ZNF12: variants seen among roughly 807,000 people sequenced by gnomAD.
ZNF12 encodes the protein gonadotropin inducible transcription repressor 3.
ZNF12 carries 34 observed loss-of-function variants against 66.6 expected under a neutral mutation model. The observed-to-expected ratio is 0.51, with a 90% CI of 0.39 to 0.68. The LOEUF (loss-of-function observed/expected upper bound fraction) is 0.68. ZNF12 is among the 30% of genes least tolerant of loss of function. ZNF12 has a pLI of 0.00. For missense variants in ZNF12, 697 were observed against 826.9 expected (o/e 0.84, Z 1.93); for synonymous variants, 320 against 278.9 (o/e 1.15, Z -1.47).
In ZNF12 at chr7:6,705,359, G is replaced by T; in HGVS notation, c.-50-136C>A. On this transcript the variant is annotated intron_variant, in intron 1 of 4. Transcript: ENST00000405858. The surrounding 1 kb of genome is among the most constrained non-coding windows in gnomAD (Gnocchi z 4.0). ...GACTGTCCCTTTAAGCCTTCAGAAG[G>T]GATTGGAAAATGATCAGGAGGGGGA... is the stretch of plus-strand genomic sequence containing the variant. 1.6e-6 allele frequency: 1 copy of T among 613,312 alleles called. No homozygotes were observed. The highest frequency in any genetic ancestry group is 2.8e-6 in the Non-Finnish European group (1 of 353,848). 38.0% of individuals were successfully genotyped at this position (613,312 alleles called of 1,614,324 possible). A position where few individuals can be genotyped will look rare whatever the true frequency, so the allele number is the denominator to read the frequency against.
chr7:6,703,061 CA>C (rs1189880786), intron 2 of ZNF12, among the ~76,000 whole-genome samples: 21 of 152,076 alleles, frequency 1.4e-4, no homozygotes, highest in African/African-American at 4.1e-4. Flanking sequence ...CACACACACA[CA>C]CACCCCTACC....
At position 6,698,443 on chromosome 7, in the gene ZNF12, T is replaced by C. The variant is rs1310416491; in HGVS notation, c.16-632A>G. Among the ~76,000 whole-genome samples, 1 of 152,190 alleles carries C rather than the reference T, an allele frequency of 6.6e-6. No homozygotes were observed. The highest frequency in any genetic ancestry group is 1.5e-5 in the Non-Finnish European group (1 of 68,032). On this transcript the variant is annotated intron_variant, in intron 2 of 4. Coordinates refer to ENST00000405858, the MANE Select transcript of ZNF12 (RefSeq NM_016265.4). This position sits in a 1 kb window ranked among gnomAD's most constrained non-coding sequence, Gnocchi z 4.4. ...AAATTCCAGACACATATGTCCCAGA[T>C]GGCAAACTCAACATCCCTGAAATTC...
rs377721424 is a variant in ZNF12 at position 6,691,668 on chromosome 7, G to A, written c.1274C>T (p.Thr425Met). The change falls in exon 5 of 5, where the codon ACG becomes ATG. Residue 425 changes from threonine to methionine, a missense_variant. Physicochemically the swap from Thr to Met is moderately conservative, Grantham distance 81 (BLOSUM62 -1). Transcript: ENST00000405858. ...GKCFCRKSTL[T>M]THLRTHTGEK... ...TCCTGTGTGGGTCCTCAGGTGGGTCGTGAGAGTAGACTTGCGGCAGAAGCA... is the reference window on the plus strand; with the variant it reads ...TCCTGTGTGGGTCCTCAGGTGGGTCATGAGAGTAGACTTGCGGCAGAAGCA... 36 of 1,613,196 alleles carry A rather than the reference G, an allele frequency of 2.2e-5. No individual in the cohort carries two copies. The highest frequency in any genetic ancestry group is 1.8e-4 in the East Asian group (8 of 44,784).
intron 2 of ZNF12, among the ~76,000 whole-genome samples, chr7:6,703,111 G>A (rs535414510): frequency 6.6e-6 from 1 of 151,688 alleles, no homozygotes. Context: ...TACCAACACA[G>A]CCCAAATTTT....
At position 6,692,865 on chromosome 7, in the gene ZNF12, G is replaced by A. The variant is rs537222691; in HGVS notation, c.239-162C>T. Among the ~76,000 whole-genome samples, 6 of 151,342 alleles carry A rather than the reference G, an allele frequency of 4.0e-5. No individual in the cohort carries two copies. The South Asian group carries it at 1.0e-3, about 26-fold the overall frequency. On this transcript the variant is annotated intron_variant, in intron 4 of 4. Coordinates refer to ENST00000405858, the MANE Select transcript of ZNF12 (RefSeq NM_016265.4). The surrounding 1 kb of genome is among the most constrained non-coding windows in gnomAD (Gnocchi z 5.1). ...GTGTACTCTTCTCCTTTATGCTTTT[G>A]CTTAAAATTACACACACACAAACAC...
chr7:6,693,821 T>C (rs1780112474), intron 4 of ZNF12, among the ~76,000 whole-genome samples: 1 of 152,216 alleles, frequency 6.6e-6, no homozygotes, highest in Non-Finnish European at 1.5e-5. Flanking sequence ...CACTTAATTC[T>C]CAGTGTGAGT....
At chr7:6,701,777 G>A (rs1780246957) in intron 2 of ZNF12, among the ~76,000 whole-genome samples, 1 of 151,814 alleles carries the variant, frequency 6.6e-6, no homozygotes, top group Non-Finnish European at 1.5e-5. Flanking sequence ...TGGCTGACTC[G>A]AGGCCCCACA....
chr7:6,701,150 C>A (rs1298554639), intron 2 of ZNF12, among the ~76,000 whole-genome samples: 1 of 151,946 alleles, frequency 6.6e-6, no homozygotes, highest in Non-Finnish European at 1.5e-5. Context: ...GCTGAGGATG[C>A]ATTTAAAATC....
chr7:6,697,461 T>G lies in ZNF12; in HGVS notation c.143-27A>C. On this transcript the variant is annotated intron_variant, in intron 3 of 4. Coordinates refer to ENST00000405858, the MANE Select transcript of ZNF12 (RefSeq NM_016265.4). The surrounding 1 kb of genome is among the most constrained non-coding windows in gnomAD (Gnocchi z 6.1). ...TGTTAATGAGAAATGAAAGAGAACTTGAGCCCAGGCCGGTTGGCTTCAGGG... is the reference window on the plus strand; with the variant it reads ...TGTTAATGAGAAATGAAAGAGAACTGGAGCCCAGGCCGGTTGGCTTCAGGG... The G allele has an allele frequency of 1.2e-6, 2 of 1,600,446 alleles. No individual in the cohort carries two copies. Among genetic ancestry groups the G allele is most frequent in the Non-Finnish European group, 1.7e-6 (2 of 1,172,028 alleles).
rs928156559 is a variant in ZNF12 at position 6,698,762 on chromosome 7, G to A, written c.16-951C>T. Among the ~76,000 whole-genome samples, 5 of 152,314 alleles carry A rather than the reference G, an allele frequency of 3.3e-5. No homozygotes were observed. Among genetic ancestry groups the A allele is most frequent in the Admixed American group, 3.3e-4 (5 of 15,298 alleles). On this transcript the variant is annotated intron_variant, in intron 2 of 4. Transcript: ENST00000405858. The surrounding 1 kb of genome is among the most constrained non-coding windows in gnomAD (Gnocchi z 4.4). ...CATTCCTGAGGAGGAACAGACAGCT[G>A]ACCTGGAAACTGTCAAAACCACATC...
chr7:6,695,255 G>A (rs1309843959), intron 4 of ZNF12, among the ~76,000 whole-genome samples: 1 of 152,234 alleles, frequency 6.6e-6, no homozygotes, highest in Non-Finnish European at 1.5e-5. Flanking sequence ...TCCTAGGAAG[G>A]ATGGTCCTAT....
intron 2 of ZNF12, among the ~76,000 whole-genome samples, chr7:6,703,485 T>C (rs1168615531): frequency 6.6e-6 from 1 of 152,194 alleles, no homozygotes; most frequent in Non-Finnish European, 1.5e-5. Flanking sequence ...TGGACAACTT[T>C]AGAAAGAATC....
At chr7:6,700,336 C>CACACACACACACACACACAT (rs59783256) in intron 2 of ZNF12, among the ~76,000 whole-genome samples, 3 of 143,074 alleles carry the variant, frequency 2.1e-5, no homozygotes, top group East Asian at 4.0e-4. Context: ...CACACACACA[C>CACACACACACACACACACAT]ATATATATAC....
Position 6,691,059 on chromosome 7 carries a change from G to A in ZNF12, c.1883C>T (p.Ser628Leu), listed in dbSNP as rs1443810532. ...SYLTIHHRIH[S>L]GEKPFECNEC... ...ATTACATTCAAAGGGTTTCTCTCCT[G>A]AATGAATTCGATGATGTATAGTGAG... The change falls in exon 5 of 5, where the codon TCA becomes TTA. Residue 628 changes from serine (S) to leucine (L), a missense_variant. Ser to Leu is a moderately radical substitution (Grantham distance 145). Around this residue, in one of 3 missense-constraint regions of ZNF12, gnomAD observed 401 missense variants for 519.0 expected, o/e 0.77. Transcript: ENST00000405858. The A allele has an allele frequency of 6.2e-7, 1 of 1,613,904 alleles. No homozygotes were observed. The highest frequency in any genetic ancestry group is 1.3e-5 in the African/African-American group (1 of 74,874).
At chr7:6,700,638 G>T (rs1238697647) in intron 2 of ZNF12, among the ~76,000 whole-genome samples, 2 of 152,114 alleles carry the variant, frequency 1.3e-5, no homozygotes, top group African/African-American at 4.8e-5. Flanking sequence ...CTTTTCAACA[G>T]ATGACACACT....
In ZNF12 at chr7:6,706,945, A is replaced by C. The variant is rs748941740; in HGVS notation, c.-564T>G. On this transcript the variant is annotated 5_prime_UTR_variant, in exon 1 of 5. Coordinates refer to ENST00000405858, the MANE Select transcript of ZNF12 (RefSeq NM_016265.4). ...CTGGGGACGCACAGGAAGCGAGGGCACTGCGGCCGCGGCGCGCATGCGCGA... is the reference window on the plus strand; with the variant it reads ...CTGGGGACGCACAGGAAGCGAGGGCCCTGCGGCCGCGGCGCGCATGCGCGA... 2.5e-6 allele frequency: 1 copy of C among 401,884 alleles called. No homozygotes were observed. The highest frequency in any genetic ancestry group is 1.7e-5 in the South Asian group (1 of 60,184). 24.9% of individuals were successfully genotyped at this position (401,884 alleles called of 1,614,324 possible). A position where few individuals can be genotyped will look rare whatever the true frequency, so the allele number is the denominator to read the frequency against.
rs1198851343 is a variant in ZNF12 at position 6,690,538 on chromosome 7, T to G, written c.*310A>C. The G allele has an allele frequency of 4.1e-6, 1 of 246,602 alleles. No homozygotes were observed. Among genetic ancestry groups the G allele is most frequent in the African/African-American group, 2.3e-5 (1 of 44,392 alleles). The allele number at this position is 246,602 out of a possible 1,614,324, so 15.3% of individuals were successfully genotyped here. A position where few individuals can be genotyped will look rare whatever the true frequency, so the allele number is the denominator to read the frequency against. ...AAAGGATTATGTCTTCCACATTCCT[T>G]ATACTGATAGATTTCCCCTTGGCTA... On this transcript the variant is annotated 3_prime_UTR_variant, in exon 5 of 5. Coordinates refer to ENST00000405858, the MANE Select transcript of ZNF12 (RefSeq NM_016265.4).
In ZNF12 at chr7:6,689,356, C is replaced by G. The variant is rs1173826459; in HGVS notation, c.*1492G>C. The G allele has an allele frequency of 6.6e-6, 1 of 152,252 alleles. No homozygotes were observed. The allele number at this position is 152,252 out of a possible 1,614,324, so 9.4% of individuals were successfully genotyped here. A position where few individuals can be genotyped will look rare whatever the true frequency, so the allele number is the denominator to read the frequency against. ...AGGTACTGTTCACCACAAGATTCCA[C>G]TTCCCTTTGCTTGAATCCTTGGGCC... On this transcript the variant is annotated 3_prime_UTR_variant, in exon 5 of 5. Coordinates refer to ENST00000405858, the MANE Select transcript of ZNF12 (RefSeq NM_016265.4).
rs959808863 is a variant in ZNF12, at chr7:6,700,248, G to A, written c.16-2437C>T. 2.0e-5 allele frequency among the ~76,000 whole-genome samples: 3 copies of A among 148,850 alleles called. No individual in the cohort carries two copies. In the East Asian group the frequency reaches 5.9e-4, roughly 29 times the overall value. ...TGCAGTGAGCCGAGATCGAGCCACT[G>A]TACTCCAGCCTGGGCAACAGAGCAA... On this transcript the variant is annotated intron_variant, in intron 2 of 4. Transcript: ENST00000405858.
Sources: allele counts gnomAD v4.1 joint callset (sites outside exome capture counted in the v4.1 genomes callset), GRCh38; gene constraint gnomAD v4.1.1; regional missense constraint gnomAD v4.1.1; non-coding constraint Gnocchi (gnomAD v3.1); transcripts MANE v1.5; gene names NCBI Gene and HGNC (gene_info 2026-07-23, HGNC 2026-07-21).